MEGF11: variants seen among roughly 807,000 people sequenced by gnomAD.
MEGF11 encodes the protein multiple EGF like domains 11.
MEGF11 carries 126 observed loss-of-function variants against 146.6 expected under a neutral mutation model. The observed-to-expected ratio is 0.86, with a 90% CI of 0.74 to 1.00. The LOEUF (loss-of-function observed/expected upper bound fraction) is 1.00, where lower values mean the gene tolerates loss of function less well. MEGF11 is among the 50% of genes least tolerant of loss of function. The pLI, the probability that MEGF11 is intolerant of heterozygous loss-of-function variation, is 0.00. For missense variants in MEGF11, 1,509 were observed against 1,521.2 expected (o/e 0.99, Z 0.13); for synonymous variants, 532 against 583.4 (o/e 0.91, Z 1.27).
At chr15:66,043,655 C>T (rs2140308256) in intron 5 of MEGF11, among the ~76,000 whole-genome samples, 1 of 152,346 alleles carries the variant, frequency 6.6e-6, no homozygotes, top group Admixed American at 6.5e-5. Flanking sequence ...TGCTGAGAAG[C>T]CAGACTCTTT....
At chr15:65,908,168 T>G (rs2078687704) in intron 23 of MEGF11, among the ~76,000 whole-genome samples, 1 of 152,192 alleles carries the variant, frequency 6.6e-6, no homozygotes, top group Non-Finnish European at 1.5e-5. Context: ...GCCTGCTCAG[T>G]GGGCAGATGA....
rs762270778 is a variant in MEGF11 at position 66,123,956 on chromosome 15, T to G, written c.143A>C (p.Gln48Pro). 2 of 1,614,026 alleles carry G rather than the reference T, an allele frequency of 1.2e-6. No homozygotes were observed. The highest frequency in any genetic ancestry group is 1.7e-6 in the Non-Finnish European group (2 of 1,179,880). The change falls in exon 3 of 26, where the codon CAG becomes CCG. Residue 48 changes from glutamine to proline, a missense_variant. Coordinates refer to ENST00000395614, the MANE Select transcript of MEGF11 (RefSeq NM_001385028.1). ...VQESYAHPFD[Q>P]IYYTRCTDIL... ...GTCTGTGCATCGTGTGTAATAGATC[T>G]GATCGAAGGGGTGTGCATACGATTC...
rs60391483 is a variant in MEGF11 at position 65,958,436 on chromosome 15, CTATTCATGA to C, written c.1113-724_1113-716del. 9.3e-3 allele frequency among the ~76,000 whole-genome samples: 1,418 copies of C among 152,344 alleles called. 21 individuals carry two copies. The highest frequency in any genetic ancestry group is 0.03 in the African/African-American group (1,264 of 41,564). ...AGCCATCTGATCCAATAGCCAATGT[CTATTCATGA>C]TCAGCGGGATGCCAGTTGTAACCAT... On this transcript the variant is annotated intron_variant, in intron 9 of 25. Coordinates refer to ENST00000395614, the MANE Select transcript of MEGF11 (RefSeq NM_001385028.1).
At position 65,907,303 on chromosome 15, in the gene MEGF11, C is replaced by CT. The variant is rs141964256; in HGVS notation, c.2999-1163dup. Among the ~76,000 whole-genome samples, 41 of 151,042 alleles carry CT rather than the reference C, an allele frequency of 2.7e-4. No individual in the cohort carries two copies. The East Asian group carries it at 3.3e-3, about 12-fold the overall frequency. On this transcript the variant is annotated intron_variant, in intron 23 of 25. Coordinates refer to ENST00000395614, the MANE Select transcript of MEGF11 (RefSeq NM_001385028.1). ...TTAAGTTTGCTATTTTTCTTTTTTT[C>CT]TTTTTTTTTGAGATGGAGTCTCGCT...
intron 4 of MEGF11, among the ~76,000 whole-genome samples, chr15:66,102,381 A>T: frequency 1.1e-5 from 1 of 91,870 alleles, no homozygotes; most frequent in Non-Finnish European, 2.3e-5. Context: ...GATGAAGACT[A>T]GGAGCTTGGC....
In MEGF11 at chr15:65,970,555, G is replaced by C. The variant is rs751827622; in HGVS notation, c.897C>G (p.Asp299Glu). The change falls in exon 8 of 26, where the codon GAC becomes GAG. Residue 299 changes from aspartate to glutamate, a missense_variant and splice_region_variant. Coordinates refer to ENST00000395614, the MANE Select transcript of MEGF11 (RefSeq NM_001385028.1). ...QCHCTAGYMG[D>E]RCQEECPFGS... ...ATAACAGTTAACACTATCCTTACCT[G>C]TCCCCCATGTATCCAGCTGTACAGT... 4 of 1,613,744 alleles carry C rather than the reference G, an allele frequency of 2.5e-6. No homozygotes were observed. Among genetic ancestry groups the C allele is most frequent in the Non-Finnish European group, 3.4e-6 (4 of 1,179,822 alleles).
intron 1 of MEGF11, among the ~76,000 whole-genome samples, chr15:66,239,894 G>T (rs2092174794): frequency 6.6e-6 from 1 of 152,230 alleles, no homozygotes; most frequent in Non-Finnish European, 1.5e-5. Flanking sequence ...AAACACCAAA[G>T]AGCTAGCAGA....
chr15:66,080,865 G>A (rs964230221), intron 5 of MEGF11, among the ~76,000 whole-genome samples: 1 of 152,246 alleles, frequency 6.6e-6, no homozygotes, highest in African/African-American at 2.4e-5. Context: ...ACCAGATGCC[G>A]GCAGAAGGCG....
chr15:66,019,392 A>G (rs912353160), intron 5 of MEGF11, among the ~76,000 whole-genome samples: 3 of 152,268 alleles, frequency 2.0e-5, no homozygotes, highest in Admixed American at 2.0e-4. Flanking sequence ...AAATAAATGT[A>G]TTCAGCAAGT....
At chr15:66,151,706 G>A (rs1949752479) in intron 1 of MEGF11, among the ~76,000 whole-genome samples, 1 of 152,164 alleles carries the variant, frequency 6.6e-6, no homozygotes, top group South Asian at 2.1e-4. Flanking sequence ...CAGCAGACAA[G>A]AGCTCCCAGT....
chr15:65,918,404 G>A (rs2079071337), intron 15 of MEGF11, among the ~76,000 whole-genome samples: 1 of 152,248 alleles, frequency 6.6e-6, no homozygotes, highest in African/African-American at 2.4e-5. Context: ...GGGAGGCTGA[G>A]CACTGTACTT....
At chr15:66,033,855 G>T (rs2083626149) in intron 5 of MEGF11, among the ~76,000 whole-genome samples, 1 of 152,216 alleles carries the variant, frequency 6.6e-6, no homozygotes, top group Non-Finnish European at 1.5e-5. Flanking sequence ...GCAGCGCCAT[G>T]ATCTTGGCTT....
chr15:65,938,669 C>G (rs984753236), intron 10 of MEGF11, among the ~76,000 whole-genome samples: 9 of 152,104 alleles, frequency 5.9e-5, no homozygotes, highest in African/African-American at 2.2e-4. Context: ...TCCTCCCATC[C>G]AAAGGCCTGT....
chr15:66,000,248 A>C (rs2082323280), intron 5 of MEGF11, among the ~76,000 whole-genome samples: 1 of 152,236 alleles, frequency 6.6e-6, no homozygotes, highest in African/African-American at 2.4e-5. Flanking sequence ...TAGGGAATCA[A>C]GAGCATCTGC....
At chr15:66,080,902 G>T (rs1037503511) in intron 5 of MEGF11, among the ~76,000 whole-genome samples, 11 of 152,204 alleles carry the variant, frequency 7.2e-5, no homozygotes, top group African/African-American at 2.4e-4. Context: ...GAAGGGCCGC[G>T]GGCTTGGCAG....
intron 5 of MEGF11, among the ~76,000 whole-genome samples, chr15:66,060,224 G>A (rs1028237824): frequency 2.0e-5 from 3 of 152,114 alleles, no homozygotes; most frequent in African/African-American, 7.2e-5. Flanking sequence ...AGGCAGGGAG[G>A]TGGAGGACAG....
intron 1 of MEGF11, among the ~76,000 whole-genome samples, chr15:66,171,281 C>T (rs186864173): frequency 3.3e-5 from 5 of 152,300 alleles, no homozygotes; most frequent in Admixed American, 6.5e-5. Context: ...ACCACGGGGG[C>T]GGTCAAAAAG....
At position 65,929,754 on chromosome 15, in the gene MEGF11, C is replaced by G; in HGVS notation, c.1538G>C (p.Gly513Ala). ...CAGCTCACAGGTGTCTCCCAGCCAGCCAGGAGTGCAGGAGCAGGAGCCGTC... is the reference window on the plus strand; with the variant it reads ...CAGCTCACAGGTGTCTCCCAGCCAGGCAGGAGTGCAGGAGCAGGAGCCGTC... ...PIDGSCSCTP[G>A]WLGDTCELPC... The change falls in exon 12 of 26, where the codon GGC (glycine) becomes GCC (alanine). Residue 513 changes from glycine (G) to alanine (A), a missense_variant. Gly to Ala is a moderately conservative substitution (Grantham distance 60). Transcript: ENST00000395614. 6.4e-7 allele frequency: 1 copy of G among 1,552,906 alleles called. No homozygotes were observed. Among genetic ancestry groups the G allele is most frequent in the Non-Finnish European group, 8.7e-7 (1 of 1,147,726 alleles).
intron 1 of MEGF11, among the ~76,000 whole-genome samples, chr15:66,138,974 G>A (rs2089020357): frequency 4.6e-5 from 7 of 152,158 alleles, no homozygotes. Context: ...CGGGGGTGGG[G>A]CAAGTCTGCC....
Sources: gnomAD v4.1 joint callset for allele counts (sites outside exome capture counted in the v4.1 genomes callset) on GRCh38, gnomAD v4.1.1 for gene constraint, MANE v1.5 for transcripts, NCBI Gene and HGNC (gene_info 2026-07-23, HGNC 2026-07-21) for gene names.